Variants in ZBTB7C observed in about 807,000 individuals in gnomAD.
ZBTB7C encodes zinc finger and BTB domain-containing protein 7C.
A neutral mutation model predicts 25.7 loss-of-function variants in ZBTB7C; 8 were observed. The ratio of observed to expected loss-of-function variants is 0.31; its 90% CI spans 0.18 to 0.56. The LOEUF (loss-of-function observed/expected upper bound fraction) is 0.56. Ranked by LOEUF, ZBTB7C falls within the 20% of genes least tolerant of loss-of-function variation. ZBTB7C has a pLI of 0.91. For missense variants in ZBTB7C, 824 were observed against 855.2 expected, an observed-to-expected ratio of 0.96 and a Z score of 0.46; for synonymous variants, 394 against 369.0, an observed-to-expected ratio of 1.07 and a Z score of -0.78.
At chr18:48,197,457 C>T (rs1361944121) in intron 2 of ZBTB7C, among the ~76,000 whole-genome samples, 2 of 152,232 alleles carry the variant, frequency 1.3e-5, no homozygotes, top group Admixed American at 1.3e-4. Context: ...GATAACAGCT[C>T]TCAATTTTTA....
At position 48,029,190 on chromosome 18, in the gene ZBTB7C, G is replaced by GGGT. The variant is rs1386275812; in HGVS notation, c.*67_*69dup. ...TTAAAATGAAAAGTTCAGATCCATGGGGTAGGGTAGAGTGGGCCTGGAGGG... is the reference window on the plus strand; with the variant it reads ...TTAAAATGAAAAGTTCAGATCCATGGGGTGGTAGGGTAGAGTGGGCCTGGAGGG... On this transcript the variant is annotated 3_prime_UTR_variant, in exon 5 of 5. Coordinates refer to ENST00000590800, the MANE Select transcript of ZBTB7C (RefSeq NM_001318841.2). 1 of 1,466,778 alleles carries GGGT rather than the reference G, an allele frequency of 6.8e-7. No individual in the cohort carries two copies. Among genetic ancestry groups the GGGT allele is most frequent in the African/African-American group, 1.5e-5 (1 of 67,634 alleles). 90.9% of individuals were successfully genotyped at this position (1,466,778 alleles called of 1,614,324 possible).
intron 2 of ZBTB7C, among the ~76,000 whole-genome samples, chr18:48,276,762 C>T (rs1260996955): frequency 1.1e-5 from 1 of 92,418 alleles, no homozygotes; most frequent in Non-Finnish European, 2.1e-5. Flanking sequence ...AATAAACATA[C>T]GTGTGCATGT....
At chr18:48,396,989 T>C (rs1029804164) in intron 1 of ZBTB7C, among the ~76,000 whole-genome samples, 1 of 152,240 alleles carries the variant, frequency 6.6e-6, no homozygotes, top group Non-Finnish European at 1.5e-5. Flanking sequence ...ACAACAGTGC[T>C]TTACGTGGCT....
chr18:48,407,628 G>C lies in ZBTB7C; in HGVS notation c.-304+1598C>G, dbSNP rs143033638. Among the ~76,000 whole-genome samples, 979 of 152,294 alleles carry C rather than the reference G, an allele frequency of 6.4e-3. 9 individuals carry two copies. The highest frequency in any genetic ancestry group is 0.021 in the African/African-American group (878 of 41,544). On this transcript the variant is annotated intron_variant, in intron 1 of 4. Transcript: ENST00000590800. ...ACTGGGCCTCTAGCCACTGTAGCAG[G>C]TCACTTTCCTTCCTTGGGCCTGAGT...
intron 3 of ZBTB7C, among the ~76,000 whole-genome samples, chr18:48,128,863 AT>A (rs34406460): frequency 0.09 from 13,655 of 150,948 alleles, 668 homozygotes; most frequent in Middle Eastern, 0.11. Context: ...ATTGAAATAA[AT>A]TTTTTTTTTT....
intron 2 of ZBTB7C, among the ~76,000 whole-genome samples, chr18:48,254,952 C>T (rs1474126335): frequency 2.0e-5 from 3 of 152,312 alleles, no homozygotes; most frequent in African/African-American, 7.2e-5. Context: ...ACTTGAAAAC[C>T]TCACAATTCA....
intron 3 of ZBTB7C, among the ~76,000 whole-genome samples, chr18:48,046,824 G>T (rs1046160656): frequency 1.3e-5 from 2 of 152,160 alleles, no homozygotes. Flanking sequence ...CTGGACTTCT[G>T]TCTCATCATG....
chr18:48,220,175 T>C (rs2042916012), intron 2 of ZBTB7C, among the ~76,000 whole-genome samples: 1 of 152,120 alleles, frequency 6.6e-6, no homozygotes, highest in African/African-American at 2.4e-5. Flanking sequence ...CCCAGTTCCC[T>C]CTGAAGGCAG....
intron 3 of ZBTB7C, chr18:48,041,535 C>T (rs187883251): frequency 5.1e-6 from 5 of 985,246 alleles, no homozygotes; most frequent in Middle Eastern, 5.2e-4. Flanking sequence ...CCTCTCAGTG[C>T]TTCTGCTGAG....
intron 3 of ZBTB7C, among the ~76,000 whole-genome samples, chr18:48,139,276 T>C (rs1443523704): frequency 6.6e-6 from 1 of 151,984 alleles, no homozygotes; most frequent in African/African-American, 2.4e-5. Context: ...GTCTATGAGG[T>C]AGAGCCAGTT....
intron 3 of ZBTB7C, chr18:48,149,004 C>T (rs1475224835): frequency 6.6e-6 from 1 of 152,200 alleles, no homozygotes; most frequent in Non-Finnish European, 1.5e-5. Context: ...TTGTTATCCA[C>T]CTGTATATTA....
intron 3 of ZBTB7C, among the ~76,000 whole-genome samples, chr18:48,050,038 T>C (rs1443754431): frequency 6.6e-6 from 1 of 152,098 alleles, no homozygotes; most frequent in Non-Finnish European, 1.5e-5. Flanking sequence ...GTGGGAGGTG[T>C]GCTGCATGGG....
At chr18:48,189,642 C>T (rs1958113225) in intron 2 of ZBTB7C, among the ~76,000 whole-genome samples, 1 of 152,156 alleles carries the variant, frequency 6.6e-6, no homozygotes, top group African/African-American at 2.4e-5. Flanking sequence ...TCCAGGTGCC[C>T]CTCGCCTTGG....
intron 3 of ZBTB7C, among the ~76,000 whole-genome samples, chr18:48,070,710 CTG>C (rs2037511047): frequency 6.6e-6 from 1 of 152,226 alleles, no homozygotes; most frequent in African/African-American, 2.4e-5. Flanking sequence ...TGACAGGCAT[CTG>C]TACATGTTGG....
chr18:48,029,398 C>T lies in ZBTB7C; in HGVS notation c.1722G>A (p.Leu574=), dbSNP rs2035631254. 1.3e-6 allele frequency: 2 copies of T among 1,568,598 alleles called. No individual in the cohort carries two copies. The highest frequency in any genetic ancestry group is 2.3e-5 in the South Asian group (2 of 86,806). The change falls in exon 5 of 5, where the codon CTG becomes CTA. Residue 574 remains leucine (L), a synonymous_variant. Transcript: ENST00000590800. The part of the protein sequence containing the change: ...LEAERNAGGL[L]AFALAENVAA... ...CCACGTTCTCGGCCAGCGCGAAGGC[C>T]AGGAGGCCCCCCGCGTTCCTCTCAG...
chr18:48,161,676 A>C (rs972967864), intron 3 of ZBTB7C, among the ~76,000 whole-genome samples: 2 of 145,330 alleles, frequency 1.4e-5, no homozygotes, highest in Non-Finnish European at 3.0e-5. Flanking sequence ...CCCTTCCTGC[A>C]GCGTTCACTC....
chr18:48,086,936 T>C (rs1235531626), intron 3 of ZBTB7C, among the ~76,000 whole-genome samples: 1 of 152,230 alleles, frequency 6.6e-6, no homozygotes, highest in Non-Finnish European at 1.5e-5. Flanking sequence ...GTTGAGTGCT[T>C]ACTTCCTACA....
intron 3 of ZBTB7C, chr18:48,185,500 T>C: frequency 3.2e-6 from 1 of 313,152 alleles, no homozygotes; most frequent in East Asian, 9.5e-5. Context: ...GATTGGTTCC[T>C]GTGACTGCAC....
chr18:48,364,806 A>T (rs925544324), intron 1 of ZBTB7C, among the ~76,000 whole-genome samples: 5 of 152,170 alleles, frequency 3.3e-5, no homozygotes, highest in Non-Finnish European at 7.3e-5. Flanking sequence ...TTGTGCACAA[A>T]TGGTAGCATA....
Sources: gnomAD v4.1 joint callset for allele counts (sites outside exome capture counted in the v4.1 genomes callset) on GRCh38, gnomAD v4.1.1 for gene constraint, MANE v1.5 for transcripts, NCBI Gene and HGNC (gene_info 2026-07-23, HGNC 2026-07-21) for gene names.